The following MAPKBP1 variants were observed in gnomAD, a reference collection of about 807,000 sequenced individuals.
MAPKBP1 encodes mitogen-activated protein kinase binding protein 1.
A neutral mutation model predicts 170.5 loss-of-function variants in MAPKBP1; 71 were observed. The ratio of observed to expected loss-of-function variants is 0.42; its 90% confidence interval spans 0.34 to 0.51. MAPKBP1 has a LOEUF of 0.51. MAPKBP1 is among the 20% of genes least tolerant of loss of function. The probability of loss-of-function intolerance (pLI) is 0.06; values close to 1 mark genes in which losing one functional copy is unlikely to be tolerated. For missense variants in MAPKBP1, 1,598 were observed against 1,933.0 expected, an observed-to-expected ratio of 0.83 and a Z score of 3.25; for synonymous variants, 719 against 757.9, an observed-to-expected ratio of 0.95 and a Z score of 0.84.
At chr15:41,808,735 C>G (rs962896614) in intron 3 of MAPKBP1, among the ~76,000 whole-genome samples, 4 of 152,002 alleles carry the variant, frequency 2.6e-5, no homozygotes, top group Non-Finnish European at 5.9e-5. Context: ...CTCAGCCTCC[C>G]GAAGTGCTGG....
chr15:41,775,455 C>T, intron 2 of MAPKBP1, 66 bp downstream of exon 2: 2 of 1,170,016 alleles, frequency 1.7e-6, no homozygotes, highest in South Asian at 2.5e-5. Context: ...CCTCGTTAAC[C>T]TTCCTGTTTC....
chr15:41,814,679 C>T lies in MAPKBP1; in HGVS notation c.1110C>T (p.Pro370=), dbSNP rs1335566260. The part of the protein sequence containing the change: ...HSIYVWDVRD[P]KKVGKVYSAL... ...TTTATGTTTGGGATGTGAGGGACCC[C>T]AAGAAAGTGGGCAAGGTGTACTCGG... is the stretch of plus-strand genomic sequence containing the variant. Residue 370 remains proline (P), a synonymous_variant, in exon 10 of 31, where the codon CCC becomes CCT. Coordinates refer to ENST00000457542, the MANE Select transcript of MAPKBP1 (RefSeq NM_014994.3). The T allele has an allele frequency of 1.9e-6, 3 of 1,614,066 alleles. No homozygotes were observed. Among genetic ancestry groups the T allele is most frequent in the Middle Eastern group, 1.6e-4 (1 of 6,084 alleles).
At chr15:41,808,101 CTTTCTT>C (rs1245484981) in intron 3 of MAPKBP1, among the ~76,000 whole-genome samples, 5 of 119,444 alleles carry the variant, frequency 4.2e-5, no homozygotes, top group Non-Finnish European at 8.5e-5. Context: ...TTCTTTCTTT[CTTTCTT>C]TTTTTTTTTT....
rs201869170 is a variant in MAPKBP1 at position 41,813,113 on chromosome 15, C to T, written c.819+12C>T. 41 of 1,590,718 alleles carry T rather than the reference C, an allele frequency of 2.6e-5. No homozygotes were observed. The highest frequency in any genetic ancestry group is 1.6e-4 in the East Asian group (7 of 44,814). On this transcript the variant is annotated intron_variant, in intron 8 of 30. Coordinates refer to ENST00000457542, the MANE Select transcript of MAPKBP1 (RefSeq NM_014994.3). ...GGGTGGAGCTGAGGGTAAGTACCTC[C>T]GTCCCCAGGGGTAGGGTCTGCTCAT...
intron 21 of MAPKBP1, 62 bp from the exon 22 acceptor site, chr15:41,819,533 C>A: frequency 7.9e-7 from 1 of 1,266,078 alleles, no homozygotes. Flanking sequence ...GGCCAGGGCT[C>A]CAGGGTTGGG....
intron 2 of MAPKBP1, among the ~76,000 whole-genome samples, chr15:41,788,012 C>T (rs1373562652): frequency 6.6e-6 from 1 of 152,090 alleles, no homozygotes; most frequent in Admixed American, 6.5e-5. Flanking sequence ...GGCTGGAGTG[C>T]AGTGGCACTA....
At chr15:41,803,434 A>AAAAAAAAAAAAAAAAAAAAAAAG (rs58804270) in intron 3 of MAPKBP1, among the ~76,000 whole-genome samples, 3 of 90,754 alleles carry the variant, frequency 3.3e-5, no homozygotes, top group Non-Finnish European at 4.1e-5. Flanking sequence ...AAAAAAAAAA[A>AAAAAAAAAAAAAAAAAAAAAAAG]AGGTTAAGCA....
chr15:41,787,190 TG>T lies in MAPKBP1; in HGVS notation c.114+11802del, dbSNP rs574448007. 1.4e-4 allele frequency among the ~76,000 whole-genome samples: 21 copies of T among 152,252 alleles called. No individual in the cohort carries two copies. In the East Asian group the frequency reaches 3.9e-3, roughly 28 times the overall value. On this transcript the variant is annotated intron_variant, in intron 2 of 30. Transcript: ENST00000457542. Reference sequence around the variant, plus strand: ...TTGGTTAGCTTTGATAAATATTTTTTGATACTTTTTGAAGTACATGTGCTTT... The same window carrying T: ...TTGGTTAGCTTTGATAAATATTTTTTATACTTTTTGAAGTACATGTGCTTT...
At position 41,818,650 on chromosome 15, in the gene MAPKBP1, C is replaced by T. The variant is rs1018510975; in HGVS notation, c.2156+68C>T. ...GCCACAGCACCCTGCCCTCCCCTCTCTCCATTTCAGTGATGTCTCTGGGAA... is the reference window on the plus strand; with the variant it reads ...GCCACAGCACCCTGCCCTCCCCTCTTTCCATTTCAGTGATGTCTCTGGGAA... On this transcript the variant is annotated intron_variant, in intron 19 of 30. Transcript: ENST00000457542. This position sits in a 1 kb window ranked among gnomAD's most constrained non-coding sequence, Gnocchi z 5.2. 6.5e-6 allele frequency: 10 copies of T among 1,533,558 alleles called. No individual in the cohort carries two copies. Among genetic ancestry groups the T allele is most frequent in the Non-Finnish European group, 8.9e-6 (10 of 1,122,214 alleles). The allele number at this position is 1,533,558 out of a possible 1,614,324, so 95.0% of individuals were successfully genotyped here. A position where few individuals can be genotyped will look rare whatever the true frequency, so the allele number is the denominator to read the frequency against.
intron 2 of MAPKBP1, among the ~76,000 whole-genome samples, chr15:41,789,306 A>G (rs2064353979): frequency 6.6e-6 from 1 of 151,316 alleles, no homozygotes. Flanking sequence ...AAAAAAAACT[A>G]CAACTCCACC....
rs774616068 is a variant in MAPKBP1 at position 41,813,773 on chromosome 15, C to G, written c.972C>G (p.Thr324=). ...HALGTDIASV[T]EASRLFSGVA... is the part of the protein sequence containing the mutation. ...TGGGGACAGACATTGCTAGCGTCAC[C>G]GAGGCCAGGTGAGCTATGTGGGCCC... Residue 324 remains threonine (T), a synonymous_variant, in exon 9 of 31, where the codon ACC becomes ACG. Transcript: ENST00000457542. The G allele has an allele frequency of 1.3e-6, 2 of 1,596,070 alleles. No homozygotes were observed. The highest frequency in any genetic ancestry group is 2.7e-5 in the African/African-American group (2 of 74,026).
intron 2 of MAPKBP1, among the ~76,000 whole-genome samples, chr15:41,777,669 C>T (rs758519944): frequency 3.9e-5 from 6 of 152,124 alleles, no homozygotes; most frequent in Non-Finnish European, 7.4e-5. Flanking sequence ...TGCCAGACTC[C>T]CCACACTCCT....
intron 3 of MAPKBP1, among the ~76,000 whole-genome samples, chr15:41,809,114 G>C (rs1051094190): frequency 6.6e-6 from 1 of 151,808 alleles, no homozygotes; most frequent in African/African-American, 2.4e-5. Context: ...GAGCCAGGGT[G>C]GCATGAGCCT....
intron 3 of MAPKBP1, among the ~76,000 whole-genome samples, chr15:41,803,434 A>AAAAAAAAAG (rs58804270): frequency 0.13 from 12,037 of 89,922 alleles, 3,180 homozygotes; most frequent in Non-Finnish European, 0.15. Flanking sequence ...AAAAAAAAAA[A>AAAAAAAAAG]AGGTTAAGCA....
rs755484575 is a variant in MAPKBP1 at position 41,818,884 on chromosome 15, G to A, written c.2218G>A (p.Glu740Lys). Residue 740 changes from glutamate (E) to lysine (K), a missense_variant, in exon 20 of 31, where the codon GAG becomes AAG. By Grantham distance (56) the Glu-to-Lys change is moderately conservative. Coordinates refer to ENST00000457542, the MANE Select transcript of MAPKBP1 (RefSeq NM_014994.3). The surrounding 1 kb of genome is among the most constrained non-coding windows in gnomAD (Gnocchi z 5.2). Reference protein sequence around the residue: ...MTISMRQRLAELRQRQRGGKQ... With the variant: ...MTISMRQRLAKLRQRQRGGKQ... Reference sequence around the variant, plus strand: ...CATCAGCATGAGGCAGCGTCTGGCCGAGTTGCGCCAGCGTCAGCGGGGCGG... The same window carrying A: ...CATCAGCATGAGGCAGCGTCTGGCCAAGTTGCGCCAGCGTCAGCGGGGCGG... 1.1e-5 allele frequency: 18 copies of A among 1,614,122 alleles called. No individual in the cohort carries two copies. Among genetic ancestry groups the A allele is most frequent in the East Asian group, 2.2e-5 (1 of 44,904 alleles).
At chr15:41,799,762 C>A in intron 2 of MAPKBP1, 61 bp from the exon 3 acceptor site, 1 of 1,402,740 alleles carries the variant, frequency 7.1e-7, no homozygotes, top group Non-Finnish European at 1.0e-6. Context: ...CAAGTACCTT[C>A]AGCACCTTCT....
chr15:41,777,038 G>A (rs1000785292), intron 2 of MAPKBP1, among the ~76,000 whole-genome samples: 2 of 152,158 alleles, frequency 1.3e-5, no homozygotes, highest in Non-Finnish European at 2.9e-5. Flanking sequence ...AGTCAGTTCA[G>A]AGGAATTAGG....
chr15:41,815,699 G>A lies in MAPKBP1; in HGVS notation c.1393G>A (p.Ala465Thr). Residue 465 changes from alanine (A) to threonine (T), a missense_variant, in exon 12 of 31, where the codon GCT (alanine) becomes ACT (threonine). Physicochemically the swap from Ala to Thr is moderately conservative, Grantham distance 58. This residue lies in a region of MAPKBP1 where 430 missense variants were observed against 617.2 expected (regional missense o/e 0.70). Coordinates refer to ENST00000457542, the MANE Select transcript of MAPKBP1 (RefSeq NM_014994.3). ...CACAGAGCTGCCTGGAGGAGACAAA[G>A]CTGATGCATCCCTGTTGGATCCCCG... ...LDTELPGGDK[A>T]DASLLDPRVG... 1.9e-6 allele frequency: 3 copies of A among 1,614,194 alleles called. No individual in the cohort carries two copies. Among genetic ancestry groups the A allele is most frequent in the Admixed American group, 1.7e-5 (1 of 60,024 alleles).
Position 41,815,397 on chromosome 15 carries a change from C to G in MAPKBP1, c.1309C>G (p.Leu437Val). The change falls in exon 11 of 31, where the codon CTC (leucine) becomes GTC (valine). Residue 437 changes from leucine (L) to valine (V), a missense_variant. Leu to Val is a conservative substitution (Grantham distance 32). Transcript: ENST00000457542. ...VHGSTLHRNI[L>V]SSDLIKIIYV... ...TGGCTCCACCCTCCACCGAAACATC[C>G]TCAGCAGTGTGAGCCCTGAGGCTGT... The G allele has an allele frequency of 1.2e-6, 2 of 1,614,220 alleles. No homozygotes were observed. The highest frequency in any genetic ancestry group is 1.7e-6 in the Non-Finnish European group (2 of 1,180,028).
Sources: gnomAD v4.1 joint callset for allele counts (sites outside exome capture counted in the v4.1 genomes callset) on GRCh38, gnomAD v4.1.1 for gene constraint, gnomAD v4.1.1 regional missense constraint, Gnocchi (gnomAD v3.1) non-coding constraint, MANE v1.5 for transcripts, NCBI Gene and HGNC (gene_info 2026-07-23, HGNC 2026-07-21) for gene names.